UNC5C: variants seen among roughly 807,000 people sequenced by gnomAD.
UNC5C encodes unc-5 netrin receptor C.
Under a neutral mutation model 99.8 loss-of-function variants are expected in UNC5C, and 47 were observed. The observed-to-expected ratio is 0.47, with a 90% CI of 0.37 to 0.60. The LOEUF is 0.60. UNC5C is among the 20% of genes least tolerant of loss of function. UNC5C has a pLI of 0.00. For synonymous variants in UNC5C, 487 were observed against 452.2 expected, an observed-to-expected ratio of 1.08 and a Z score of -0.98; for missense variants, 1,062 against 1,165.9, an observed-to-expected ratio of 0.91 and a Z score of 1.30.
At chr4:95,378,540 C>G (rs1432312955) in intron 1 of UNC5C, among the ~76,000 whole-genome samples, 1 of 152,084 alleles carries the variant, frequency 6.6e-6, no homozygotes, top group Non-Finnish European at 1.5e-5. Flanking sequence ...AGAGTAATAG[C>G]TTTTGATGGA....
At chr4:95,170,044 A>G in intron 15 of UNC5C, 110 bp downstream of exon 15, 1 of 1,407,086 alleles carries the variant, frequency 7.1e-7, no homozygotes, top group Middle Eastern at 2.6e-4. Context: ...TGAAAAATTA[A>G]ATAGATGTGT....
At chr4:95,295,802 T>C (rs1741649784) in intron 3 of UNC5C, among the ~76,000 whole-genome samples, 1 of 152,206 alleles carries the variant, frequency 6.6e-6, no homozygotes, top group Non-Finnish European at 1.5e-5. Context: ...AACCCATAAG[T>C]GGCTGGGCAC....
intron 1 of UNC5C, among the ~76,000 whole-genome samples, chr4:95,393,759 G>A (rs1745425743): frequency 6.6e-6 from 1 of 151,546 alleles, no homozygotes; most frequent in Non-Finnish European, 1.5e-5. Context: ...AAAGCCTACT[G>A]ATGTTTTATT....
intron 7 of UNC5C, among the ~76,000 whole-genome samples, chr4:95,232,196 A>G (rs1738938845): frequency 6.6e-6 from 1 of 151,316 alleles, no homozygotes; most frequent in Non-Finnish European, 1.5e-5. Context: ...TATATAAACT[A>G]TATTATGTTT....
chr4:95,519,594 G>A (rs1722299764), intron 1 of UNC5C, among the ~76,000 whole-genome samples: 1 of 151,870 alleles, frequency 6.6e-6, no homozygotes, highest in South Asian at 2.1e-4. Context: ...ATTTTGACTG[G>A]AACTCATTGG....
intron 3 of UNC5C, among the ~76,000 whole-genome samples, chr4:95,281,679 A>T (rs1741064866): frequency 6.6e-6 from 1 of 152,232 alleles, no homozygotes; most frequent in Admixed American, 6.5e-5. Context: ...CTGCATTGTT[A>T]ACTTGGTACA....
chr4:95,417,724 T>C (rs931432593), intron 1 of UNC5C, among the ~76,000 whole-genome samples: 2 of 152,180 alleles, frequency 1.3e-5, no homozygotes, highest in Non-Finnish European at 2.9e-5. Flanking sequence ...TAGGTGAGTG[T>C]GCACACATAG....
chr4:95,382,840 A>ATGGG (rs1745109024), intron 1 of UNC5C, among the ~76,000 whole-genome samples: 2 of 152,158 alleles, frequency 1.3e-5, no homozygotes, highest in South Asian at 4.1e-4. Flanking sequence ...ACTGCTTTTG[A>ATGGG]TGGGTTAGCT....
chr4:95,272,025 A>C (rs913272233), intron 4 of UNC5C, among the ~76,000 whole-genome samples: 2 of 149,940 alleles, frequency 1.3e-5, no homozygotes, highest in Admixed American at 1.3e-4. Flanking sequence ...CTCCTTCCTT[A>C]CCTTCAGATC....
At chr4:95,528,467 A>ATGAGACCAT (rs1268808203) in intron 1 of UNC5C, among the ~76,000 whole-genome samples, 1 of 152,186 alleles carries the variant, frequency 6.6e-6, no homozygotes, top group Non-Finnish European at 1.5e-5. Flanking sequence ...CAGAGGACCA[A>ATGAGACCAT]TGAGACCATT....
At chr4:95,402,706 T>C (rs941718377) in intron 1 of UNC5C, among the ~76,000 whole-genome samples, 1 of 152,184 alleles carries the variant, frequency 6.6e-6, no homozygotes, top group African/African-American at 2.4e-5. Context: ...TGTCTCTTGA[T>C]TGCAGCCTAT....
chr4:95,382,134 T>C (rs12507717), intron 1 of UNC5C, among the ~76,000 whole-genome samples: 79,907 of 151,888 alleles, frequency 0.53, 21,591 homozygotes, highest in African/African-American at 0.63. Context: ...GGATCATTAC[T>C]GTGGCCCTTC....
intron 15 of UNC5C, among the ~76,000 whole-genome samples, chr4:95,169,727 T>G (rs546428289): frequency 4.1e-5 from 6 of 147,906 alleles, no homozygotes; most frequent in Admixed American, 3.6e-4. Flanking sequence ...CCACATGTTA[T>G]GTTTGGTAGT....
chr4:95,307,495 A>C (rs1185937590), intron 2 of UNC5C, among the ~76,000 whole-genome samples: 1 of 152,152 alleles, frequency 6.6e-6, no homozygotes. Flanking sequence ...TTAAATCAGA[A>C]ATAAAAAGTT....
rs769212787 is a variant in UNC5C at position 95,222,275 on chromosome 4, G to GA, written c.1109-2100dup. The GA allele has an allele frequency of 1.2e-3, 1,683 of 1,349,630 alleles. 1 individual carries two copies. Among genetic ancestry groups the GA allele is most frequent in the South Asian group, 2.2e-3 (120 of 54,862 alleles). The allele number at this position is 1,349,630 out of a possible 1,614,324, so 83.6% of individuals were successfully genotyped here. On this transcript the variant is annotated intron_variant, in intron 7 of 15. Coordinates refer to ENST00000453304, the MANE Select transcript of UNC5C (RefSeq NM_003728.4). ...AATGGGATAAATGAAACCTTGAAAA[G>GA]AAAAAAAAATGAAACAAAAATGGGA...
intron 1 of UNC5C, among the ~76,000 whole-genome samples, chr4:95,493,599 T>TA (rs1347475687): frequency 1.3e-5 from 2 of 151,332 alleles, no homozygotes; most frequent in African/African-American, 4.8e-5. Context: ...CACTAAGTTT[T>TA]AAAAAAAATT....
At chr4:95,370,230 T>C (rs1232475932) in intron 1 of UNC5C, among the ~76,000 whole-genome samples, 3 of 152,162 alleles carry the variant, frequency 2.0e-5, no homozygotes, top group Admixed American at 2.0e-4. Context: ...TATTTTATTA[T>C]GGAATACATG....
rs896361153 is a variant in UNC5C at position 95,265,019 on chromosome 4, G to A, written c.594+13240C>T. Among the ~76,000 whole-genome samples the A allele has an allele frequency of 7.2e-5, 11 of 152,208 alleles. 1 individual carries two copies. The highest frequency in any genetic ancestry group is 1.9e-4 in the African/African-American group (8 of 41,510). ...GTCCTGCATCAGAATCACCTGGGGA[G>A]CGCTTAAGCCATCCTGATGCCTGGG... On this transcript the variant is annotated intron_variant, in intron 4 of 15. Coordinates refer to ENST00000453304, the MANE Select transcript of UNC5C (RefSeq NM_003728.4).
chr4:95,382,207 T>A lies in UNC5C; in HGVS notation c.125-46576A>T, dbSNP rs117591000. On this transcript the variant is annotated intron_variant, in intron 1 of 15. Transcript: ENST00000453304. The stretch of plus-strand genomic sequence containing the variant: ...AAACTTTCAGGCCAGGTGGTGCAGC[T>A]CACACCTGTAATCCCAACATTTTGG... 2.4e-4 allele frequency among the ~76,000 whole-genome samples: 36 copies of A among 152,214 alleles called. No individual in the cohort carries two copies. In the East Asian group the frequency reaches 6.8e-3, roughly 29 times the overall value.
Sources: allele counts gnomAD v4.1 joint callset (sites outside exome capture counted in the v4.1 genomes callset), GRCh38; gene constraint gnomAD v4.1.1; transcripts MANE v1.5; gene names NCBI Gene and HGNC (gene_info 2026-07-23, HGNC 2026-07-21).